Variants in RPH3A observed in about 807,000 individuals in gnomAD.
RPH3A encodes the protein rabphilin-3A.
RPH3A carries 48 observed loss-of-function variants against 102.2 expected under a neutral mutation model. The observed-to-expected ratio is 0.47, with a 90% CI of 0.37 to 0.60. The LOEUF (loss-of-function observed/expected upper bound fraction) is 0.60. Among genes scored for constraint, RPH3A ranks in the 20% least tolerant of loss-of-function variants. RPH3A has a pLI of 0.00. For missense variants in RPH3A, 781 were observed against 910.1 expected (o/e 0.86, Z 1.83); for synonymous variants, 310 against 324.3 (o/e 0.96, Z 0.47).
At chr12:112,808,623 A>G (rs2041513274) in intron 2 of RPH3A, among the ~76,000 whole-genome samples, 1 of 152,182 alleles carries the variant, frequency 6.6e-6, no homozygotes, top group Admixed American at 6.5e-5. Flanking sequence ...TAGAAGGGAA[A>G]CCATGAACCA....
intron 1 of RPH3A, among the ~76,000 whole-genome samples, chr12:112,648,948 AACTGGGAT>A (rs1173015266): frequency 6.6e-6 from 1 of 151,998 alleles, no homozygotes; most frequent in Admixed American, 6.5e-5. Context: ...CCTTCCAAGT[AACTGGGAT>A]TACAGGCATA....
chr12:112,805,796 C>A (rs1003459233), intron 2 of RPH3A, among the ~76,000 whole-genome samples: 2 of 152,150 alleles, frequency 1.3e-5, no homozygotes, highest in African/African-American at 4.8e-5. Context: ...GGACCTCCCT[C>A]AATCAACATA....
intron 18 of RPH3A, among the ~76,000 whole-genome samples, chr12:112,890,547 C>T (rs1156585300): frequency 2.0e-5 from 3 of 152,190 alleles, no homozygotes; most frequent in Admixed American, 2.0e-4. Context: ...GGTCAAGGCT[C>T]AGTCCTGGGT....
chr12:112,715,025 T>G (rs2136038905), intron 1 of RPH3A, among the ~76,000 whole-genome samples: 1 of 152,034 alleles, frequency 6.6e-6, no homozygotes, highest in Middle Eastern at 3.4e-3. Context: ...CTGATATATC[T>G]AATCTACACC....
chr12:112,838,013 G>C (rs2042082526), intron 4 of RPH3A, among the ~76,000 whole-genome samples: 1 of 152,036 alleles, frequency 6.6e-6, no homozygotes, highest in Admixed American at 6.5e-5. Context: ...ATAAAGATAT[G>C]TCTAGTGGAG....
intron 14 of RPH3A, 34 bp downstream of exon 14, chr12:112,879,232 G>A: frequency 6.3e-7 from 1 of 1,581,184 alleles, no homozygotes; most frequent in Non-Finnish European, 8.7e-7. Context: ...GAACCTCTCA[G>A]GATGCTCTGG....
chr12:112,780,600 G>T (rs1399011099), intron 1 of RPH3A, among the ~76,000 whole-genome samples: 1 of 152,114 alleles, frequency 6.6e-6, no homozygotes, highest in Admixed American at 6.5e-5. Flanking sequence ...AGATTCAACA[G>T]GCATTTGTTG....
chr12:112,791,250 A>G (rs1256831054), upstream of RPH3A: 2 of 152,216 alleles, frequency 1.3e-5, no homozygotes, highest in Non-Finnish European at 2.9e-5. Context: ...GGGCAAAACC[A>G]CTTAGGGAGC....
rs1037752778 is a variant in RPH3A at position 112,828,719 on chromosome 12, G to A, written c.71+330G>A. Among the ~76,000 whole-genome samples, 6 of 152,134 alleles carry A rather than the reference G, an allele frequency of 3.9e-5. No homozygotes were observed. In the East Asian group the frequency reaches 5.8e-4, roughly 15 times the overall value. On this transcript the variant is annotated intron_variant, in intron 3 of 21. Transcript: ENST00000389385. ...TGATAGGCAAATATCTTCCCCTCTC[G>A]GGGCCCTAGTTACCTCATCGGTCAA...
chr12:112,716,822 T>G (rs1488214574), intron 1 of RPH3A, among the ~76,000 whole-genome samples: 1 of 152,236 alleles, frequency 6.6e-6, no homozygotes, highest in Non-Finnish European at 1.5e-5. Flanking sequence ...TATTATTTTT[T>G]CCTGTGCTAA....
chr12:112,890,092 G>T lies in RPH3A; in HGVS notation c.1620+12G>T, dbSNP rs1328739281. 1 of 1,612,684 alleles carries T rather than the reference G, an allele frequency of 6.2e-7. No homozygotes were observed. Among genetic ancestry groups the T allele is most frequent in the Non-Finnish European group, 8.5e-7 (1 of 1,179,468 alleles). ...TTTATGAGGAAGAGGTGAGCACTGA[G>T]CAGGAATTGAAGCCACAGTCAGGGT... is the stretch of plus-strand genomic sequence containing the variant. On this transcript the variant is annotated intron_variant, in intron 18 of 21. Transcript: ENST00000389385.
intron 2 of RPH3A, among the ~76,000 whole-genome samples, chr12:112,816,634 C>A (rs2041676103): frequency 6.6e-6 from 1 of 152,192 alleles, no homozygotes; most frequent in Non-Finnish European, 1.5e-5. Context: ...TCTCACCACA[C>A]AAGTCATTAA....
At chr12:112,893,388 G>A (rs981741803) in intron 19 of RPH3A, 1 of 152,200 alleles carries the variant, frequency 6.6e-6, no homozygotes, top group Non-Finnish European at 1.5e-5. Flanking sequence ...CAGAGGCACG[G>A]TAAAGTTACG....
intron 5 of RPH3A, among the ~76,000 whole-genome samples, chr12:112,856,999 G>A (rs563545203): frequency 5.9e-5 from 9 of 152,070 alleles, no homozygotes; most frequent in East Asian, 1.9e-4. Flanking sequence ...CAACCCCTGC[G>A]TCATAACTGC....
intron 1 of RPH3A, among the ~76,000 whole-genome samples, chr12:112,579,444 C>A: frequency 6.6e-6 from 1 of 152,060 alleles, no homozygotes; most frequent in Non-Finnish European, 1.5e-5. Flanking sequence ...CTCCAGAATG[C>A]CTCCTCCCTC....
At chr12:112,840,788 C>T (rs1480223145) in intron 4 of RPH3A, among the ~76,000 whole-genome samples, 1 of 152,116 alleles carries the variant, frequency 6.6e-6, no homozygotes, top group African/African-American at 2.4e-5. Flanking sequence ...GGCATACAAC[C>T]AATTCCCCGC....
chr12:112,597,631 T>TCCCC (rs1592899800), intron 1 of RPH3A, among the ~76,000 whole-genome samples: 1 of 152,172 alleles, frequency 6.6e-6, no homozygotes, highest in East Asian at 1.9e-4. Context: ...AAATGACCTA[T>TCCCC]CCCCAATCCT....
intron 1 of RPH3A, among the ~76,000 whole-genome samples, chr12:112,692,065 A>G (rs980830355): frequency 6.6e-6 from 1 of 152,254 alleles, no homozygotes; most frequent in Non-Finnish European, 1.5e-5. Context: ...AAGTGAAATA[A>G]GCCAGGAACA....
At chr12:112,777,522 G>A (rs1001869853) in intron 1 of RPH3A, among the ~76,000 whole-genome samples, 4 of 152,196 alleles carry the variant, frequency 2.6e-5, no homozygotes, top group East Asian at 3.9e-4. Context: ...TAAAGAACAC[G>A]TAGGTGCCTC....
Sources: allele counts gnomAD v4.1 joint callset (sites outside exome capture counted in the v4.1 genomes callset), GRCh38; gene constraint gnomAD v4.1.1; transcripts MANE v1.5; gene names NCBI Gene and HGNC (gene_info 2026-07-23, HGNC 2026-07-21).